FANCC: variants seen among roughly 807,000 people sequenced by gnomAD.
The protein encoded by FANCC is FA complementation group C, also known as Fanconi anemia group C protein.
FANCC carries 55 observed loss-of-function variants against 71.3 expected under a neutral mutation model. The observed-to-expected ratio is 0.77, with a 90% CI of 0.62 to 0.97. The LOEUF is 0.97. FANCC is among the 50% of genes least tolerant of loss of function. FANCC has a pLI of 0.00. For missense variants in FANCC, 678 were observed against 670.9 expected (o/e 1.01, Z -0.12); for synonymous variants, 275 against 244.9 (o/e 1.12, Z -1.15).
At chr9:95,213,097 T>C (rs1828611008) in intron 4 of FANCC, among the ~76,000 whole-genome samples, 1 of 152,194 alleles carries the variant, frequency 6.6e-6, no homozygotes, top group African/African-American at 2.4e-5. Flanking sequence ...TTCGACTACA[T>C]GTTGCAATGA....
At chr9:95,176,209 T>C (rs924950633) in intron 4 of FANCC, among the ~76,000 whole-genome samples, 2 of 152,218 alleles carry the variant, frequency 1.3e-5, no homozygotes, top group African/African-American at 4.8e-5. Flanking sequence ...ATTTACTCTA[T>C]GGCCAAACCT....
chr9:95,116,112 T>C (rs1055051485), intron 11 of FANCC, among the ~76,000 whole-genome samples: 2 of 152,238 alleles, frequency 1.3e-5, no homozygotes, highest in East Asian at 3.8e-4. Context: ...AGGTAAAGGG[T>C]TGGGCCCATG....
intron 8 of FANCC, among the ~76,000 whole-genome samples, chr9:95,130,914 G>A (rs1266303905): frequency 6.6e-6 from 1 of 152,134 alleles, no homozygotes; most frequent in East Asian, 1.9e-4. Context: ...TTATAAATAT[G>A]TATTTTTTAT....
chr9:95,109,208 G>A lies in FANCC; in HGVS notation c.1330-1939C>T, dbSNP rs550408077. Among the ~76,000 whole-genome samples the A allele has an allele frequency of 8.5e-5, 13 of 152,154 alleles. No homozygotes were observed. In the East Asian group the frequency reaches 9.6e-4, roughly 11 times the overall value. On this transcript the variant is annotated intron_variant, in intron 13 of 14. Coordinates refer to ENST00000289081, the MANE Select transcript of FANCC (RefSeq NM_000136.3). ...ATTACAGGCATGAACCACCACACCC[G>A]TCCAAGAGCATGATTTTTCATGGTA... is the stretch of plus-strand genomic sequence containing the variant.
chr9:95,161,842 C>CT (rs71366277), intron 6 of FANCC, among the ~76,000 whole-genome samples: 1,755 of 110,738 alleles, frequency 0.016, 36 homozygotes, highest in African/African-American at 0.053. Context: ...CTTTTCTTTT[C>CT]TTTTTTTTTT....
chr9:95,141,414 A>ATTC (rs1828673828), intron 7 of FANCC, among the ~76,000 whole-genome samples: 1 of 150,986 alleles, frequency 6.6e-6, no homozygotes. Flanking sequence ...GTTACTGCTA[A>ATTC]TTCTTTGCCA....
intron 1 of FANCC, chr9:95,292,395 C>T (rs1030673629): frequency 3.8e-6 from 4 of 1,040,924 alleles, no homozygotes; most frequent in East Asian, 7.1e-5. Flanking sequence ...GGCGGGTGCC[C>T]GCGCCGTCCC....
intron 6 of FANCC, among the ~76,000 whole-genome samples, chr9:95,163,073 A>G (rs1830849691): frequency 1.3e-5 from 2 of 152,230 alleles, no homozygotes; most frequent in Admixed American, 6.5e-5. Flanking sequence ...TTCAGGTCTT[A>G]CGTTTAGGTC....
chr9:95,316,623 A>C (rs1342200795), intron 1 of FANCC, among the ~76,000 whole-genome samples: 4 of 152,198 alleles, frequency 2.6e-5, no homozygotes, highest in African/African-American at 9.6e-5. Context: ...TCCAAGTTTC[A>C]GATTAGAACA....
At chr9:95,307,818 C>T (rs528865694) in intron 1 of FANCC, among the ~76,000 whole-genome samples, 10 of 152,304 alleles carry the variant, frequency 6.6e-5, no homozygotes, top group Admixed American at 2.6e-4. Context: ...TGCTGTTGCC[C>T]AACTGCCTGT....
chr9:95,108,058 C>G (rs2071595733), intron 13 of FANCC, among the ~76,000 whole-genome samples: 1 of 152,232 alleles, frequency 6.6e-6, no homozygotes, highest in Admixed American at 6.5e-5. Context: ...TCGTGAACAG[C>G]TATGTTCCAT....
At position 95,311,027 on chromosome 9, in the gene FANCC, G is replaced by A. The variant is rs567795993; in HGVS notation, c.-79+6499C>T. ...TGGGAGGCCAAGGCAGGCGGATCAC[G>A]AGGTCAGGAGATCAAGACCATCCTG... On this transcript the variant is annotated intron_variant, in intron 1 of 14. Coordinates refer to ENST00000289081, the MANE Select transcript of FANCC (RefSeq NM_000136.3). 7.6e-4 allele frequency among the ~76,000 whole-genome samples: 116 copies of A among 152,130 alleles called. 1 individual carries two copies. The East Asian group carries it at 0.017, about 22-fold the overall frequency.
rs372574666 is a variant in FANCC, at chr9:95,303,332, G to A, written c.-79+14194C>T. On this transcript the variant is annotated intron_variant, in intron 1 of 14. Transcript: ENST00000289081. ...TGTGCTAACTCACAAAGGGTGATAT[G>A]CAGATGAGTGAGCTAAGTTCAAAAA... is the stretch of plus-strand genomic sequence containing the variant. Among the ~76,000 whole-genome samples, 83 of 152,328 alleles carry A rather than the reference G, an allele frequency of 5.4e-4. 1 individual carries two copies. Among genetic ancestry groups the A allele is most frequent in the African/African-American group, 1.9e-3 (79 of 41,568 alleles).
chr9:95,244,461 C>A (rs1484542365), intron 3 of FANCC, among the ~76,000 whole-genome samples: 3 of 152,076 alleles, frequency 2.0e-5, no homozygotes, highest in Non-Finnish European at 4.4e-5. Flanking sequence ...AGGCAGATCA[C>A]AAGGTCAGGA....
intron 4 of FANCC, among the ~76,000 whole-genome samples, chr9:95,230,144 T>C (rs1314596367): frequency 6.6e-6 from 1 of 152,176 alleles, no homozygotes; most frequent in Non-Finnish European, 1.5e-5. Flanking sequence ...TGCAGGTATT[T>C]CTTTAAAGCC....
At chr9:95,197,653 C>T (rs1827541588) in intron 4 of FANCC, among the ~76,000 whole-genome samples, 1 of 152,210 alleles carries the variant, frequency 6.6e-6, no homozygotes, top group African/African-American at 2.4e-5. Flanking sequence ...GCTTATCTTG[C>T]ACATGGCCCT....
At chr9:95,222,399 T>C (rs1191334552) in intron 4 of FANCC, among the ~76,000 whole-genome samples, 2 of 152,116 alleles carry the variant, frequency 1.3e-5, no homozygotes, top group Admixed American at 6.5e-5. Context: ...GTATATACTA[T>C]ATTATTATGT....
intron 4 of FANCC, among the ~76,000 whole-genome samples, chr9:95,234,331 G>T (rs1385351373): frequency 1.3e-5 from 2 of 152,188 alleles, no homozygotes; most frequent in Non-Finnish European, 2.9e-5. Flanking sequence ...GCCAGGTACT[G>T]TTCAATTTGC....
At position 95,178,610 on chromosome 9, in the gene FANCC, GA is replaced by G. The variant is rs1387250672; in HGVS notation, c.346-6464del. Among the ~76,000 whole-genome samples, 3 of 152,360 alleles carry G rather than the reference GA, an allele frequency of 2.0e-5. No individual in the cohort carries two copies. The East Asian group carries it at 5.8e-4, about 29-fold the overall frequency. On this transcript the variant is annotated intron_variant, in intron 4 of 14. Coordinates refer to ENST00000289081, the MANE Select transcript of FANCC (RefSeq NM_000136.3). ...ACTGGCGCCCTGTGCCCGGAGGCAG[GA>G]AGAGACGCAGGATCCAGCTTGTGTC... is the stretch of plus-strand genomic sequence containing the variant.
Sources: allele counts gnomAD v4.1 joint callset (sites outside exome capture counted in the v4.1 genomes callset), GRCh38; gene constraint gnomAD v4.1.1; transcripts MANE v1.5; gene names NCBI Gene and HGNC (gene_info 2026-07-23, HGNC 2026-07-21).